The following LRP1B variants were observed in gnomAD, a reference collection of about 807,000 sequenced individuals.
LRP1B encodes the protein LDL receptor related protein 1B, also known as low-density lipoprotein receptor-related protein 1B.
Under a neutral mutation model 556.6 loss-of-function variants are expected in LRP1B, and 217 were observed. The ratio of observed to expected loss-of-function variants is 0.39; its 90% confidence interval spans 0.35 to 0.44. The LOEUF (loss-of-function observed/expected upper bound fraction) is 0.44. Ranked by LOEUF, LRP1B falls within the 20% of genes least tolerant of loss-of-function variation. The pLI is 1.00. For missense variants in LRP1B, 5,053 were observed against 5,620.8 expected (o/e 0.90, Z 3.23); for synonymous variants, 2,047 against 1,865.8 (o/e 1.10, Z -2.50).
At chr2:140,356,519 C>T (rs777500116) in intron 74 of LRP1B, 43 bp from the exon 75 acceptor site, 6 of 1,397,940 alleles carry the variant, frequency 4.3e-6, no homozygotes, top group Non-Finnish European at 6.0e-6. Flanking sequence ...AATTCTAATT[C>T]CTGAAGTGGG....
chr2:141,918,172 G>C (rs1700088074), intron 1 of LRP1B, among the ~76,000 whole-genome samples: 1 of 151,836 alleles, frequency 6.6e-6, no homozygotes, highest in Non-Finnish European at 1.5e-5. Flanking sequence ...GAAAGATATG[G>C]TAGGATACAC....
chr2:141,401,200 G>C (rs947895718), intron 3 of LRP1B, among the ~76,000 whole-genome samples: 10 of 152,078 alleles, frequency 6.6e-5, no homozygotes, highest in Non-Finnish European at 1.5e-4. Flanking sequence ...GATGCTTTTA[G>C]ATACTACTTT....
chr2:140,242,837 A>G (rs957244059), intron 87 of LRP1B, among the ~76,000 whole-genome samples: 4 of 151,242 alleles, frequency 2.6e-5, no homozygotes, highest in Non-Finnish European at 5.9e-5. Flanking sequence ...TGTGTAAGCC[A>G]TATAAATCAG....
rs186987576 is a variant in LRP1B, at chr2:140,844,069, T to C, written c.4940-2977A>G. Among the ~76,000 whole-genome samples the C allele has an allele frequency of 7.6e-3, 1,151 of 152,200 alleles. 13 individuals carry two copies. The highest frequency in any genetic ancestry group is 0.027 in the African/African-American group (1,120 of 41,534). On this transcript the variant is annotated intron_variant, in intron 29 of 90. Transcript: ENST00000389484. ...CTCAAGCAATCTTAATTCTAACTTT[T>C]TTTTTTTTTGAGATGAAGTTTCACT...
intron 3 of LRP1B, among the ~76,000 whole-genome samples, chr2:141,290,099 A>G (rs1685883035): frequency 6.6e-6 from 1 of 152,178 alleles, no homozygotes; most frequent in Admixed American, 6.5e-5. Flanking sequence ...GTCTTTGCTC[A>G]TGAACATTCA....
intron 60 of LRP1B, among the ~76,000 whole-genome samples, chr2:140,462,240 A>G (rs560250839): frequency 2.3e-4 from 35 of 152,318 alleles, no homozygotes; most frequent in African/African-American, 7.7e-4. Context: ...CCCTCACACC[A>G]GGAATACTGC....
chr2:140,395,470 C>T (rs903082841), intron 66 of LRP1B, among the ~76,000 whole-genome samples: 3 of 152,154 alleles, frequency 2.0e-5, no homozygotes, highest in Non-Finnish European at 4.4e-5. Flanking sequence ...GGGTAATATT[C>T]CTCAATGAGC....
intron 31 of LRP1B, among the ~76,000 whole-genome samples, chr2:140,816,569 AAAC>A (rs1691130988): frequency 6.6e-6 from 1 of 152,180 alleles, no homozygotes; most frequent in African/African-American, 2.4e-5. Flanking sequence ...AGATTCACAA[AAAC>A]AATATTTAAA....
At chr2:140,377,299 C>G (rs1242457726) in intron 68 of LRP1B, among the ~76,000 whole-genome samples, 2 of 151,954 alleles carry the variant, frequency 1.3e-5, no homozygotes, top group Admixed American at 1.3e-4. Flanking sequence ...ATGGTCTTGT[C>G]CTCCTGACCT....
At chr2:141,910,603 A>C (rs1229758205) in intron 1 of LRP1B, among the ~76,000 whole-genome samples, 2 of 152,138 alleles carry the variant, frequency 1.3e-5, no homozygotes, top group South Asian at 4.1e-4. Flanking sequence ...TGGAATTGCC[A>C]TGTAAATGGA....
intron 35 of LRP1B, among the ~76,000 whole-genome samples, chr2:140,743,537 GAAT>G (rs1490987699): frequency 6.6e-6 from 1 of 152,032 alleles, no homozygotes; most frequent in East Asian, 1.9e-4. Context: ...TGTAAAACAG[GAAT>G]AATAATAGCA....
intron 2 of LRP1B, among the ~76,000 whole-genome samples, chr2:141,766,551 A>G (rs903885587): frequency 7.2e-5 from 11 of 152,204 alleles, no homozygotes; most frequent in Non-Finnish European, 1.6e-4. Flanking sequence ...GGCAAAAATG[A>G]TAGCAGTCTT....
At chr2:141,523,947 T>A (rs1041057963) in intron 2 of LRP1B, among the ~76,000 whole-genome samples, 7 of 152,186 alleles carry the variant, frequency 4.6e-5, no homozygotes, top group Admixed American at 2.0e-4. Context: ...CTTGTAATTG[T>A]CTTCAGCTAA....
intron 2 of LRP1B, among the ~76,000 whole-genome samples, chr2:141,761,665 T>C (rs1051880209): frequency 6.6e-6 from 1 of 152,152 alleles, no homozygotes; most frequent in Non-Finnish European, 1.5e-5. Flanking sequence ...ATCTCAATCC[T>C]TGGAATCTGA....
At chr2:140,618,510 A>G (rs1286442874) in intron 41 of LRP1B, among the ~76,000 whole-genome samples, 3 of 152,178 alleles carry the variant, frequency 2.0e-5, no homozygotes, top group African/African-American at 7.2e-5. Context: ...CATACATTTG[A>G]GAAAATAAGT....
chr2:141,561,617 G>A (rs920669239), intron 2 of LRP1B, among the ~76,000 whole-genome samples: 15 of 151,848 alleles, frequency 9.9e-5, no homozygotes, highest in African/African-American at 2.9e-4. Flanking sequence ...AAGGCTAAAT[G>A]TCTTTGTTTA....
At position 141,116,826 on chromosome 2, in the gene LRP1B, A is replaced by G. The variant is rs144355611; in HGVS notation, c.1014-54553T>C. Among the ~76,000 whole-genome samples the G allele has an allele frequency of 2.5e-3, 375 of 152,062 alleles. 3 individuals carry two copies. The highest frequency in any genetic ancestry group is 0.021 in the South Asian group (102 of 4,820). ...GAAAGTATATTTTACTCTTATTTCT[A>G]CGAGATGACTTTCCATAGTCTTACC... is the stretch of plus-strand genomic sequence containing the variant. On this transcript the variant is annotated intron_variant, in intron 7 of 90. Transcript: ENST00000389484.
At chr2:140,736,936 G>A (rs1172091375) in intron 35 of LRP1B, among the ~76,000 whole-genome samples, 2 of 152,112 alleles carry the variant, frequency 1.3e-5, no homozygotes, top group East Asian at 1.9e-4. Context: ...TTGAAGGAAC[G>A]TCGAGGGAGG....
At position 141,686,555 on chromosome 2, in the gene LRP1B, A is replaced by T. The variant is rs954173019; in HGVS notation, c.205+123724T>A. Among the ~76,000 whole-genome samples the T allele has an allele frequency of 3.9e-5, 6 of 152,024 alleles. No homozygotes were observed. The East Asian group carries it at 1.2e-3, about 29-fold the overall frequency. The stretch of plus-strand genomic sequence containing the variant: ...TAGTTGTCATCAATGGGCTACTATC[A>T]TCAAAGCTCACAGTTGATCTACTAT... On this transcript the variant is annotated intron_variant, in intron 2 of 90. Coordinates refer to ENST00000389484, the MANE Select transcript of LRP1B (RefSeq NM_018557.3).
Sources: allele counts gnomAD v4.1 joint callset (sites outside exome capture counted in the v4.1 genomes callset), GRCh38; gene constraint gnomAD v4.1.1; transcripts MANE v1.5; gene names NCBI Gene and HGNC (gene_info 2026-07-23, HGNC 2026-07-21).